PDE1A: variants seen among roughly 807,000 people sequenced by gnomAD.
PDE1A encodes dual specificity calcium/calmodulin-dependent 3',5'-cyclic nucleotide phosphodiesterase 1A.
In PDE1A, 35 loss-of-function variants were observed where a neutral mutation model predicts 61.7. That is an observed-to-expected ratio of 0.57 (90% CI 0.43 to 0.75). PDE1A has a LOEUF of 0.75. Ranked by LOEUF, PDE1A falls within the 30% of genes least tolerant of loss-of-function variation. The probability of loss-of-function intolerance (pLI) is 0.00; values close to 1 mark genes in which losing one functional copy is unlikely to be tolerated. For synonymous variants in PDE1A, 232 were observed against 213.2 expected (o/e 1.09, Z -0.77); for missense variants, 597 against 630.6 (o/e 0.95, Z 0.57).
chr2:182,449,647 A>ATG (rs1440045595), intron 2 of PDE1A, among the ~76,000 whole-genome samples: 1 of 152,044 alleles, frequency 6.6e-6, no homozygotes, highest in Non-Finnish European at 1.5e-5. Context: ...TGGCATTTTT[A>ATG]CCTTTATTTC....
intron 2 of PDE1A, among the ~76,000 whole-genome samples, chr2:182,480,882 C>A (rs1304736595): frequency 6.6e-6 from 1 of 151,864 alleles, no homozygotes; most frequent in Non-Finnish European, 1.5e-5. Flanking sequence ...AGGGATATTT[C>A]CTCTCTTCCC....
At chr2:182,434,881 G>T (rs1342103118) in intron 2 of PDE1A, among the ~76,000 whole-genome samples, 3 of 151,806 alleles carry the variant, frequency 2.0e-5, no homozygotes, top group African/African-American at 7.3e-5. Context: ...TATTTTCTTA[G>T]ATTAATTAAT....
chr2:182,709,499 G>C, the PDE1A span, among the ~76,000 whole-genome samples: 1 of 152,152 alleles, frequency 6.6e-6, no homozygotes, highest in African/African-American at 2.4e-5. Flanking sequence ...AACGAATTCA[G>C]TATAGTAGAC....
At chr2:182,293,933 T>G (rs114315592) in intron 1 of PDE1A, among the ~76,000 whole-genome samples, 191 of 152,296 alleles carry the variant, frequency 1.3e-3, no homozygotes, top group Non-Finnish European at 2.0e-3. Context: ...GATCACCTGC[T>G]TTCAGGGTTC....
At chr2:182,701,184 G>A in the PDE1A span, among the ~76,000 whole-genome samples, 3 of 121,916 alleles carry the variant, frequency 2.5e-5, no homozygotes, top group South Asian at 8.8e-4. Flanking sequence ...ACAGTCGCCT[G>A]CCACCACGCC....
At position 182,517,011 on chromosome 2, in the gene PDE1A, G is replaced by A. The variant is rs143318789; in HGVS notation, c.101+5265C>T. On this transcript the variant is annotated intron_variant, in intron 2 of 14. Transcript: ENST00000410103. The stretch of plus-strand genomic sequence containing the variant: ...TGAAGTAACATATCCTTTGGTTCAG[G>A]GGATTAAGACGTGGACATTTCTGGA... Among the ~76,000 whole-genome samples the A allele has an allele frequency of 4.4e-3, 667 of 152,172 alleles. 2 individuals carry two copies. Among genetic ancestry groups the A allele is most frequent in the African/African-American group, 0.015 (625 of 41,508 alleles).
intron 4 of PDE1A, among the ~76,000 whole-genome samples, chr2:182,231,869 C>T (rs1215449592): frequency 6.6e-6 from 1 of 152,016 alleles, no homozygotes; most frequent in Non-Finnish European, 1.5e-5. Flanking sequence ...GAGCCAAGAT[C>T]GCACTACTGC....
At chr2:182,391,609 C>T (rs1316334652) in intron 1 of PDE1A, among the ~76,000 whole-genome samples, 1 of 152,156 alleles carries the variant, frequency 6.6e-6, no homozygotes, top group Non-Finnish European at 1.5e-5. Context: ...TCTCTATATG[C>T]CACATCTTAC....
the PDE1A span, among the ~76,000 whole-genome samples, chr2:182,535,668 G>T: frequency 3.3e-5 from 5 of 152,102 alleles, no homozygotes; most frequent in East Asian, 9.6e-4. Context: ...TTTGACGGGG[G>T]TATATAATTA....
chr2:182,675,552 A>AAAGCATTTACACTCCCACCAACATATAC, the PDE1A span, among the ~76,000 whole-genome samples: 4 of 152,120 alleles, frequency 2.6e-5, no homozygotes, highest in Admixed American at 6.5e-5. Flanking sequence ...ATAATGGTTG[A>AAAGCATTTACACTCCCACCAACATATAC]ACTAATTTAC....
At chr2:182,620,522 A>G in the PDE1A span, among the ~76,000 whole-genome samples, 2 of 152,218 alleles carry the variant, frequency 1.3e-5, no homozygotes, top group Non-Finnish European at 2.9e-5. Flanking sequence ...AACTAGAATA[A>G]AGAGTAAGAA....
the PDE1A span, among the ~76,000 whole-genome samples, chr2:182,638,835 A>G: frequency 1.3e-5 from 2 of 152,180 alleles, no homozygotes; most frequent in East Asian, 1.9e-4. Context: ...TTTCCACACA[A>G]GAGATTCCAG....
chr2:182,255,135 C>G (rs1217529472), intron 2 of PDE1A, among the ~76,000 whole-genome samples: 1 of 152,056 alleles, frequency 6.6e-6, no homozygotes, highest in Non-Finnish European at 1.5e-5. Flanking sequence ...CATTCCAGAG[C>G]AAGCAAAACA....
chr2:182,552,431 T>C, the PDE1A span, among the ~76,000 whole-genome samples: 1 of 149,170 alleles, frequency 6.7e-6, no homozygotes, highest in Non-Finnish European at 1.5e-5. Context: ...AAACAAAAGC[T>C]ACACAAAGTT....
intron 7 of PDE1A, among the ~76,000 whole-genome samples, chr2:182,220,465 T>C (rs1574764052): frequency 6.6e-6 from 1 of 152,106 alleles, no homozygotes; most frequent in South Asian, 2.1e-4. Flanking sequence ...GAACCAGATT[T>C]AATTGTAGCA....
chr2:182,461,190 A>G lies in PDE1A; in HGVS notation c.101+61086T>C, dbSNP rs932938969. ...AGCAAATATTATTCTACAGCATAGA[A>G]CTATAGGAATCTGAAAGGAATACGA... On this transcript the variant is annotated intron_variant, in intron 2 of 14. Transcript: ENST00000410103. 3.9e-5 allele frequency among the ~76,000 whole-genome samples: 6 copies of G among 152,168 alleles called. No individual in the cohort carries two copies. The East Asian group carries it at 5.8e-4, about 15-fold the overall frequency.
chr2:182,644,454 TC>T, the PDE1A span, among the ~76,000 whole-genome samples: 2 of 152,010 alleles, frequency 1.3e-5, no homozygotes, highest in South Asian at 4.1e-4. Context: ...GTAATGCTCT[TC>T]TAATACAGTA....
intron 2 of PDE1A, among the ~76,000 whole-genome samples, chr2:182,464,912 C>T (rs1560374): frequency 0.72 from 109,539 of 152,056 alleles, 39,754 homozygotes; most frequent in East Asian, 0.95. Flanking sequence ...CTAAGCAGAA[C>T]TACTGATACA....
the PDE1A span, among the ~76,000 whole-genome samples, chr2:182,593,963 T>C: frequency 6.6e-6 from 1 of 152,220 alleles, no homozygotes; most frequent in South Asian, 2.1e-4. Flanking sequence ...TCACTTCTTC[T>C]ATCCAGAAGT....
Sources: allele counts gnomAD v4.1 joint callset (sites outside exome capture counted in the v4.1 genomes callset), GRCh38; gene constraint gnomAD v4.1.1; transcripts MANE v1.5; gene names NCBI Gene and HGNC (gene_info 2026-07-23, HGNC 2026-07-21).